The following EPB41L2 variants were observed in gnomAD, a reference collection of about 807,000 sequenced individuals.
The protein encoded by EPB41L2 is band 4.1-like protein 2.
A neutral mutation model predicts 113.0 loss-of-function variants in EPB41L2; 43 were observed. That is an observed-to-expected ratio of 0.38 (90% confidence interval 0.30 to 0.49). The LOEUF is 0.49. Among genes scored for constraint, EPB41L2 ranks in the 20% least tolerant of loss-of-function variants. The pLI is 0.95. For synonymous variants in EPB41L2, 442 were observed against 436.7 expected (o/e 1.01, Z -0.15); for missense variants, 1,147 against 1,223.4 (o/e 0.94, Z 0.93).
chr6:131,043,414 C>A (rs1338860992), intron 1 of EPB41L2, among the ~76,000 whole-genome samples: 1 of 151,882 alleles, frequency 6.6e-6, no homozygotes. Flanking sequence ...GTATTAACAA[C>A]AACAAAAAAA....
intron 5 of EPB41L2, among the ~76,000 whole-genome samples, chr6:130,905,976 C>G (rs1797614342): frequency 6.6e-6 from 1 of 152,148 alleles, no homozygotes; most frequent in Admixed American, 6.6e-5. Flanking sequence ...ACTTAAGAAG[C>G]AGATTTCAGT....
intron 5 of EPB41L2, among the ~76,000 whole-genome samples, chr6:130,908,557 T>C (rs1374258128): frequency 6.6e-6 from 1 of 152,210 alleles, no homozygotes; most frequent in Non-Finnish European, 1.5e-5. Context: ...TTTCTCTTTC[T>C]TTCCCAGAAA....
At chr6:130,912,805 G>C (rs1799829986) in intron 4 of EPB41L2, among the ~76,000 whole-genome samples, 1 of 152,116 alleles carries the variant, frequency 6.6e-6, no homozygotes, top group Admixed American at 6.5e-5. Flanking sequence ...GGCTGGGAGA[G>C]AGGTGAGAAA....
At chr6:130,880,487 C>T (rs1040731682) in intron 12 of EPB41L2, 5 of 651,370 alleles carry the variant, frequency 7.7e-6, no homozygotes, top group Middle Eastern at 4.9e-4. Flanking sequence ...CTTCCATCTT[C>T]GCCTGAAAAG....
chr6:130,925,626 A>C (rs553610627), intron 4 of EPB41L2, among the ~76,000 whole-genome samples: 1 of 152,306 alleles, frequency 6.6e-6, no homozygotes, highest in Non-Finnish European at 1.5e-5. Flanking sequence ...ATGTGATCTC[A>C]AAAAAAGGAG....
At chr6:130,894,023 A>G (rs1166817752) in intron 10 of EPB41L2, among the ~76,000 whole-genome samples, 1 of 152,152 alleles carries the variant, frequency 6.6e-6, no homozygotes, top group Non-Finnish European at 1.5e-5. Context: ...ATGACAATGC[A>G]TGGACAGAAA....
chr6:130,983,516 A>G (rs898817702), intron 1 of EPB41L2, among the ~76,000 whole-genome samples: 1 of 149,532 alleles, frequency 6.7e-6, no homozygotes, highest in African/African-American at 2.5e-5. Flanking sequence ...ACACTACTAT[A>G]GACTTTTTTT....
chr6:130,883,720 G>A (rs1790012680), intron 12 of EPB41L2, among the ~76,000 whole-genome samples: 1 of 152,182 alleles, frequency 6.6e-6, no homozygotes, highest in African/African-American at 2.4e-5. Context: ...GAACTATCCT[G>A]ACAACTTGTC....
intron 3 of EPB41L2, among the ~76,000 whole-genome samples, chr6:130,947,460 A>G (rs1378105811): frequency 6.6e-6 from 1 of 152,264 alleles, no homozygotes; most frequent in African/African-American, 2.4e-5. Context: ...ATTTGCTGAG[A>G]GTAAACAGAT....
chr6:130,884,528 G>T (rs543870808), intron 12 of EPB41L2, among the ~76,000 whole-genome samples: 1 of 152,258 alleles, frequency 6.6e-6, no homozygotes, highest in East Asian at 1.9e-4. Context: ...GGTAACAAAA[G>T]ATAACAGTGA....
At chr6:131,022,058 G>A (rs1789639515) in intron 1 of EPB41L2, among the ~76,000 whole-genome samples, 2 of 152,142 alleles carry the variant, frequency 1.3e-5, no homozygotes, top group Admixed American at 6.5e-5. Flanking sequence ...TCACCATAAT[G>A]TAGAATCAGT....
intron 1 of EPB41L2, among the ~76,000 whole-genome samples, chr6:130,969,310 A>G (rs1239874664): frequency 6.6e-6 from 1 of 152,170 alleles, no homozygotes; most frequent in Non-Finnish European, 1.5e-5. Flanking sequence ...CATCCCTAAC[A>G]GTGTCAACAA....
At chr6:131,042,164 A>G (rs1794586378) in intron 1 of EPB41L2, among the ~76,000 whole-genome samples, 1 of 152,146 alleles carries the variant, frequency 6.6e-6, no homozygotes, top group Non-Finnish European at 1.5e-5. Flanking sequence ...CTCCATTATA[A>G]AAAGTATTTT....
rs574133268 is a variant in EPB41L2, at chr6:130,917,847, A to G, written c.810+8758T>C. On this transcript the variant is annotated intron_variant, in intron 4 of 19. Transcript: ENST00000337057. ...GACCCCAGAGTTCGAAGTTTCTCAA[A>G]TGCCTCGCCATGCCTTCCTCACTTG... 2.6e-5 allele frequency among the ~76,000 whole-genome samples: 4 copies of G among 152,326 alleles called. No individual in the cohort carries two copies. The East Asian group carries it at 5.8e-4, about 22-fold the overall frequency.
chr6:131,029,903 C>CTTTTTTTTT (rs1234856068), intron 1 of EPB41L2, among the ~76,000 whole-genome samples: 1 of 140,072 alleles, frequency 7.1e-6, no homozygotes. Context: ...CTCTTTTTTT[C>CTTTTTTTTT]TTTTTTTTTT....
chr6:130,904,528 A>G lies in EPB41L2; in HGVS notation c.866T>C (p.Leu289Pro). 6.2e-7 allele frequency: 1 copy of G among 1,601,128 alleles called. No individual in the cohort carries two copies. Among genetic ancestry groups the G allele is most frequent in the Non-Finnish European group, 8.5e-7 (1 of 1,170,426 alleles). Residue 289 changes from leucine (L) to proline (P), a missense_variant, in exon 6 of 20, where the codon CTA (leucine) becomes CCA (proline). Coordinates refer to ENST00000337057, the MANE Select transcript of EPB41L2 (RefSeq NM_001431.4). Reference protein sequence around the residue: ...IKRQLRNLPWLFTFNVKFYPP... With the variant: ...IKRQLRNLPWPFTFNVKFYPP... ...ATAAAACTTCACATTAAAAGTGAAT[A>G]GCCATGGAAGGTCTGTAATTATTAA... is the stretch of plus-strand genomic sequence containing the variant.
chr6:131,046,731 G>A (rs1795537067), intron 1 of EPB41L2, among the ~76,000 whole-genome samples: 1 of 152,146 alleles, frequency 6.6e-6, no homozygotes, highest in Non-Finnish European at 1.5e-5. Context: ...TGGTAAGGTG[G>A]AGGTTATCAC....
At position 130,867,609 on chromosome 6, in the gene EPB41L2, A is replaced by C. The variant is rs781532365; in HGVS notation, c.2608-28T>G. ...GAGGTGGAAAAGGAAGGGAAAAATA[A>C]ATTCTAGAGGTAATAAAGTAAAAGT... On this transcript the variant is annotated intron_variant, in intron 15 of 19. Coordinates refer to ENST00000337057, the MANE Select transcript of EPB41L2 (RefSeq NM_001431.4). 10 of 1,612,948 alleles carry C rather than the reference A, an allele frequency of 6.2e-6. No individual in the cohort carries two copies. The African/African-American group carries it at 1.1e-4, about 17-fold the overall frequency.
chr6:131,057,937 C>T (rs190113252), intron 1 of EPB41L2, among the ~76,000 whole-genome samples: 8 of 152,212 alleles, frequency 5.3e-5, no homozygotes, highest in African/African-American at 1.9e-4. Flanking sequence ...CCCATGATGC[C>T]GAACTTAGTT....
Sources: gnomAD v4.1 joint callset for allele counts (sites outside exome capture counted in the v4.1 genomes callset) on GRCh38, gnomAD v4.1.1 for gene constraint, MANE v1.5 for transcripts, NCBI Gene and HGNC (gene_info 2026-07-23, HGNC 2026-07-21) for gene names.